GDF9: variants seen among roughly 807,000 people sequenced by gnomAD.
GDF9 encodes growth differentiation factor 9.
In GDF9, 30 loss-of-function variants were observed where a neutral mutation model predicts 33.8. The ratio of observed to expected loss-of-function variants is 0.89; its 90% CI spans 0.66 to 1.20. The LOEUF (loss-of-function observed/expected upper bound fraction) is 1.20. Ranked by LOEUF, GDF9 falls within the 50% of genes most tolerant of loss-of-function variation. The pLI is 0.00. For missense variants in GDF9, 556 were observed against 543.7 expected (o/e 1.02, Z -0.22); for synonymous variants, 205 against 200.7 (o/e 1.02, Z -0.18).
chr5:132,862,272 T>C lies in GDF9; in HGVS notation c.682A>G (p.Lys228Glu). The C allele has an allele frequency of 6.2e-7, 1 of 1,613,848 alleles. No individual in the cohort carries two copies. The highest frequency in any genetic ancestry group is 8.5e-7 in the Non-Finnish European group (1 of 1,179,822). Residue 228 changes from lysine to glutamate, a missense_variant, in exon 2 of 2, where the codon AAG (lysine) becomes GAG (glutamate). Coordinates refer to ENST00000687138, the MANE Select transcript of GDF9 (RefSeq NM_005260.7). ...SLLQPLVASN[K>E]RSIHMSINFT... is the part of the protein sequence containing the mutation. ...TTTATAGACATGTGAATACTTCTCT[T>C]GTTGGAGGCCACTAAAGGTTGAAGG... is the stretch of plus-strand genomic sequence containing the variant.
rs778344377 is a variant in GDF9 at position 132,861,577 on chromosome 5, G to A, written c.*12C>T. The A allele has an allele frequency of 6.8e-6, 11 of 1,612,794 alleles. No individual in the cohort carries two copies. Among genetic ancestry groups the A allele is most frequent in the Middle Eastern group, 1.6e-4 (1 of 6,062 alleles). On this transcript the variant is annotated 3_prime_UTR_variant, in exon 2 of 2. Coordinates refer to ENST00000687138, the MANE Select transcript of GDF9 (RefSeq NM_005260.7). ...TTGCCAAATAGGCTCAAGGTTTTAA[G>A]AGGACCATTTGTTAACGACAGGTGC...
Position 132,863,372 on chromosome 5 carries a change from T to C in GDF9, c.397+765A>G, listed in dbSNP as rs368458852. Among the ~76,000 whole-genome samples the C allele has an allele frequency of 6.6e-5, 10 of 152,164 alleles. No homozygotes were observed. The East Asian group carries it at 1.2e-3, about 18-fold the overall frequency. The stretch of plus-strand genomic sequence containing the variant: ...CTAAAACCACTATATTAAAATAGGA[T>C]ATTAAGGAAGCAGATACAACTGCCC... On this transcript the variant is annotated intron_variant, in intron 1 of 1. Coordinates refer to ENST00000687138, the MANE Select transcript of GDF9 (RefSeq NM_005260.7).
In GDF9 at chr5:132,862,220, T is replaced by G. The variant is rs747727006; in HGVS notation, c.734A>C (p.Glu245Ala). The change falls in exon 2 of 2, where the codon GAG becomes GCG. Residue 245 changes from glutamate (E) to alanine (A), a missense_variant. Physicochemically the swap from Glu to Ala is moderately radical, Grantham distance 107 (BLOSUM62 -1). Coordinates refer to ENST00000687138, the MANE Select transcript of GDF9 (RefSeq NM_005260.7). Reference sequence around the variant, plus strand: ...CAAACCATTCTGTGCTGAAGGATGCTCCAGCTGGTCTTTCATGCAAGTAAA... The same window carrying G: ...CAAACCATTCTGTGCTGAAGGATGCGCCAGCTGGTCTTTCATGCAAGTAAA... ...INFTCMKDQL[E>A]HPSAQNGLFN... 6.2e-7 allele frequency: 1 copy of G among 1,613,930 alleles called. No individual in the cohort carries two copies. Among genetic ancestry groups the G allele is most frequent in the Admixed American group, 1.7e-5 (1 of 60,024 alleles).
rs144257913 is a variant in GDF9 at position 132,862,384 on chromosome 5, G to A, written c.570C>T (p.Leu190=). The change falls in exon 2 of 2, where the codon CTC becomes CTT. Residue 190 remains leucine, a synonymous_variant. Coordinates refer to ENST00000687138, the MANE Select transcript of GDF9 (RefSeq NM_005260.7). The stretch of plus-strand genomic sequence containing the variant: ...AGGTAAATGAGTATGGAGCTCTGCC[G>A]AGAGTCCTGCTAGAAGACTTTGGCT... ...IKEPKSSSRT[L]GRAPYSFTFN... The A allele has an allele frequency of 2.6e-4, 421 of 1,613,706 alleles. 4 individuals are homozygous for A. The highest frequency in any genetic ancestry group is 2.3e-3 in the South Asian group (209 of 91,076).
At chr5:132,863,053 C>T (rs1429561358) in intron 1 of GDF9, among the ~76,000 whole-genome samples, 1 of 152,180 alleles carries the variant, frequency 6.6e-6, no homozygotes, top group African/African-American at 2.4e-5. Context: ...TCTTGAACTT[C>T]TGGGCTCAGG....
Position 132,864,379 on chromosome 5 carries a change from T to A in GDF9, c.155A>T (p.His52Leu). 1 of 1,614,124 alleles carries A rather than the reference T, an allele frequency of 6.2e-7. No individual in the cohort carries two copies. Among genetic ancestry groups the A allele is most frequent in the Non-Finnish European group, 8.5e-7 (1 of 1,180,000 alleles). ...GCCAGCTCTGTCTCTCTCATCTATA[T>A]GCTGCAGCAAGGACCAAGGCATAGC... ...SGAMPWSLLQ[H>L]IDERDRAGLL... The change falls in exon 1 of 2, where the codon CAT (histidine) becomes CTT (leucine). Residue 52 changes from histidine to leucine, a missense_variant. His to Leu is a moderately conservative substitution (Grantham distance 99). Transcript: ENST00000687138.
rs138084543 is a variant in GDF9 at position 132,861,898 on chromosome 5, C to T, written c.1056G>A (p.Glu352=). ...TAAGTCTAAAGTCATGGAGCTCACA[C>T]TCATTTTGGGGAAGAAGAAATTGTC... ...YFRQFLLPQN[E]CELHDFRLSF... Residue 352 remains glutamate, a synonymous_variant, in exon 2 of 2, where the codon GAG becomes GAA. Coordinates refer to ENST00000687138, the MANE Select transcript of GDF9 (RefSeq NM_005260.7). The T allele has an allele frequency of 5.8e-5, 93 of 1,613,770 alleles. No individual in the cohort carries two copies. Among genetic ancestry groups the T allele is most frequent in the Admixed American group, 8.3e-5 (5 of 60,008 alleles).
Position 132,864,471 on chromosome 5 carries a change from A to G in GDF9, c.63T>C (p.Ile21=), listed in dbSNP as rs1004288651. 7 of 1,613,578 alleles carry G rather than the reference A, an allele frequency of 4.3e-6. No individual in the cohort carries two copies. The highest frequency in any genetic ancestry group is 5.9e-6 in the Non-Finnish European group (7 of 1,179,992). The change falls in exon 1 of 2, where the codon ATT becomes ATC. Residue 21 remains isoleucine, a synonymous_variant. Coordinates refer to ENST00000687138, the MANE Select transcript of GDF9 (RefSeq NM_005260.7). ...CCCCAGAAGCCTGAGAACCAAGGCT[A>G]ATAGGAAAACACAGCCAGGCAAAGC... The part of the protein sequence containing the change: ...FCCFAWLCFP[I]SLGSQASGGE...
rs781668021 is a variant in GDF9, at chr5:132,861,672, T to C, written c.1282A>G (p.Ser428Gly). The C allele has an allele frequency of 1.2e-6, 2 of 1,610,418 alleles. No individual in the cohort carries two copies. Among genetic ancestry groups the C allele is most frequent in the Non-Finnish European group, 8.5e-7 (1 of 1,176,588 alleles). ...CCATCGGGCTCAATGGTCAAAACAC[T>C]CAAGGGGCTGTATTTGGCAGGTACA... Reference protein sequence around the residue: ...SCVPAKYSPLSVLTIEPDGSI... With the variant: ...SCVPAKYSPLGVLTIEPDGSI... The change falls in exon 2 of 2, where the codon AGT becomes GGT. Residue 428 changes from serine (S) to glycine (G), a missense_variant. Physicochemically the swap from Ser to Gly is moderately conservative, Grantham distance 56. Coordinates refer to ENST00000687138, the MANE Select transcript of GDF9 (RefSeq NM_005260.7).
In GDF9 at chr5:132,864,162, C is replaced by T. The variant is rs781449696; in HGVS notation, c.372G>A (p.Lys124=). The T allele has an allele frequency of 1.6e-5, 26 of 1,614,216 alleles. No homozygotes were observed. The highest frequency in any genetic ancestry group is 3.3e-5 in the South Asian group (3 of 91,086). ...VRLFTPCTRH[K]QAPGDQVTGI... The stretch of plus-strand genomic sequence containing the variant: ...CTGTTACCTGGTCTCCAGGAGCCTG[C>T]TTGTGCCGGGTACAGGGGGTGAAGA... The change falls in exon 1 of 2, where the codon AAG becomes AAA. Residue 124 remains lysine (K), a synonymous_variant. Coordinates refer to ENST00000687138, the MANE Select transcript of GDF9 (RefSeq NM_005260.7).
In GDF9 at chr5:132,861,557, A is replaced by T. The variant is rs774420168; in HGVS notation, c.*32T>A. 2.7e-5 allele frequency: 43 copies of T among 1,604,496 alleles called. No homozygotes were observed. The highest frequency in any genetic ancestry group is 3.5e-5 in the Non-Finnish European group (41 of 1,171,540). ...ATAGGCACACAGTAGTTACTTTGCC[A>T]AATAGGCTCAAGGTTTTAAGAGGAC... is the stretch of plus-strand genomic sequence containing the variant. On this transcript the variant is annotated 3_prime_UTR_variant, in exon 2 of 2. Transcript: ENST00000687138.
Position 132,861,834 on chromosome 5 carries a change from G to A in GDF9, c.1120C>T (p.Pro374Ser), listed in dbSNP as rs1473235764. 2 of 1,614,092 alleles carry A rather than the reference G, an allele frequency of 1.2e-6. No individual in the cohort carries two copies. The highest frequency in any genetic ancestry group is 2.2e-5 in the South Asian group (2 of 91,084). ...QLKWDNWIVA[P>S]HRYNPRYCKG... ...CAGTATCGAGGGTTGTACCTGTGCG[G>A]AGCCACAATCCAGTTGTCCCACTTC... The change falls in exon 2 of 2, where the codon CCG (proline) becomes TCG (serine). Residue 374 changes from proline to serine, a missense_variant. Coordinates refer to ENST00000687138, the MANE Select transcript of GDF9 (RefSeq NM_005260.7).
In GDF9 at chr5:132,861,996, C is replaced by T. The variant is rs1321340406; in HGVS notation, c.958G>A (p.Gly320Ser). 1.9e-6 allele frequency: 3 copies of T among 1,614,116 alleles called. No homozygotes were observed. The highest frequency in any genetic ancestry group is 3.3e-5 in the Admixed American group (2 of 60,022). ...GRSSHHRHRR[G>S]QETVSSELKK... Reference sequence around the variant, plus strand: ...AATTCAGAACTGACAGTTTCCTGACCTCTGCGGTGACGGTGATGGGAAGAT... The same window carrying T: ...AATTCAGAACTGACAGTTTCCTGACTTCTGCGGTGACGGTGATGGGAAGAT... The change falls in exon 2 of 2, where the codon GGT (glycine) becomes AGT (serine). Residue 320 changes from glycine (G) to serine (S), a missense_variant. Physicochemically the swap from Gly to Ser is moderately conservative, Grantham distance 56. Transcript: ENST00000687138.
chr5:132,862,686 A>G (rs1759352362), intron 1 of GDF9, 130 bp from the exon 2 acceptor site: 1 of 705,526 alleles, frequency 1.4e-6, no homozygotes, highest in African/African-American at 1.8e-5. Flanking sequence ...AGCCTCAAAA[A>G]AAAAAATGGG....
Position 132,862,443 on chromosome 5 carries a change from C to A in GDF9, c.511G>T (p.Ala171Ser), listed in dbSNP as rs757000432. The A allele has an allele frequency of 1.1e-5, 18 of 1,613,926 alleles. No homozygotes were observed. In the East Asian group the frequency reaches 2.0e-4, roughly 18 times the overall value. ...NINNSVSFSSAVKCVCNLMIK... is the reference protein window; with the variant it reads ...NINNSVSFSSSVKCVCNLMIK... ...ATTAGATTGCACACACATTTGACAG[C>A]AGAGGAAAAAGAAACTGAGTTGTTG... Residue 171 changes from alanine to serine, a missense_variant, in exon 2 of 2, where the codon GCT becomes TCT. By Grantham distance (99) the Ala-to-Ser change is moderately conservative (BLOSUM62 1). Coordinates refer to ENST00000687138, the MANE Select transcript of GDF9 (RefSeq NM_005260.7).
At position 132,864,096 on chromosome 5, in the gene GDF9, C is replaced by A. The variant is rs1158940942; in HGVS notation, c.397+41G>T. 2.5e-6 allele frequency: 4 copies of A among 1,597,116 alleles called. No homozygotes were observed. In the African/African-American group the frequency reaches 5.4e-5, roughly 21 times the overall value. ...GTAATTGAAATGCAGAAGTGTCTAT[C>A]ATCTTCCCTCCACCCAGTTAACCAA... On this transcript the variant is annotated intron_variant, in intron 1 of 1. Coordinates refer to ENST00000687138, the MANE Select transcript of GDF9 (RefSeq NM_005260.7).
rs1343773692 is a variant in GDF9 at position 132,862,263 on chromosome 5, T to C, written c.691A>G (p.Ile231Val). 3.1e-6 allele frequency: 5 copies of C among 1,613,636 alleles called. No individual in the cohort carries two copies. Among genetic ancestry groups the C allele is most frequent in the Non-Finnish European group, 4.2e-6 (5 of 1,179,518 alleles). Residue 231 changes from isoleucine (I) to valine (V), a missense_variant, in exon 2 of 2, where the codon ATT becomes GTT. By Grantham distance (29) the Ile-to-Val change is conservative. Coordinates refer to ENST00000687138, the MANE Select transcript of GDF9 (RefSeq NM_005260.7). ...CAAGTAAAATTTATAGACATGTGAA[T>C]ACTTCTCTTGTTGGAGGCCACTAAA... The part of the protein sequence containing the change: ...QPLVASNKRS[I>V]HMSINFTCMK...
intron 1 of GDF9, among the ~76,000 whole-genome samples, chr5:132,863,484 G>A (rs1265075601): frequency 6.6e-6 from 1 of 151,136 alleles, no homozygotes; most frequent in East Asian, 1.9e-4. Flanking sequence ...TCTGTTGCCG[G>A]GCTGGAGAGC....
upstream of GDF9, chr5:132,866,626 C>A: frequency 1.7e-6 from 1 of 575,822 alleles, no homozygotes; most frequent in South Asian, 2.0e-5. Context: ...CGGCTTCCAA[C>A]CTTGCCGGAA....
Sources: gnomAD v4.1 joint callset for allele counts (sites outside exome capture counted in the v4.1 genomes callset) on GRCh38, gnomAD v4.1.1 for gene constraint, MANE v1.5 for transcripts, NCBI Gene and HGNC (gene_info 2026-07-23, HGNC 2026-07-21) for gene names.